The following MYBL2 variants were observed in gnomAD, a reference collection of about 807,000 sequenced individuals.
The protein encoded by MYBL2 is myb-related protein B.
Under a neutral mutation model 79.9 loss-of-function variants are expected in MYBL2, and 28 were observed. That is an observed-to-expected ratio of 0.35 (90% CI 0.26 to 0.48). MYBL2 has a LOEUF of 0.48. Ranked by LOEUF, MYBL2 falls within the 20% of genes least tolerant of loss-of-function variation. The pLI is 0.99. For missense variants in MYBL2, 735 were observed against 893.9 expected (o/e 0.82, Z 2.27); for synonymous variants, 378 against 361.2 (o/e 1.05, Z -0.53).
At chr20:43,673,707 G>C (rs1255367556) in intron 1 of MYBL2, 99 bp from the exon 2 acceptor site, 1 of 1,119,424 alleles carries the variant, frequency 8.9e-7, no homozygotes, top group Non-Finnish European at 1.4e-6. Context: ...CTCTCCCCCA[G>C]ACCTTTCCCT....
chr20:43,673,608 C>G (rs1338779774), intron 1 of MYBL2, 198 bp from the exon 2 acceptor site: 1 of 658,628 alleles, frequency 1.5e-6, no homozygotes, highest in African/African-American at 1.8e-5. Context: ...CACTGAATTC[C>G]AGCCCAGTGA....
At chr20:43,682,169 A>G (rs1339345179) in intron 3 of MYBL2, among the ~76,000 whole-genome samples, 1 of 152,196 alleles carries the variant, frequency 6.6e-6, no homozygotes, top group East Asian at 1.9e-4. Context: ...CGGTTTCTCA[A>G]CAGTGAGACT....
chr20:43,676,700 G>A (rs1217817905), intron 2 of MYBL2, among the ~76,000 whole-genome samples: 1 of 152,196 alleles, frequency 6.6e-6, no homozygotes, highest in Admixed American at 6.5e-5. Flanking sequence ...TGGGGTAGGT[G>A]TATGTTTAGT....
intron 4 of MYBL2, among the ~76,000 whole-genome samples, chr20:43,684,143 G>C (rs1308408977): frequency 6.6e-6 from 1 of 151,988 alleles, no homozygotes; most frequent in Non-Finnish European, 1.5e-5. Context: ...TGCCCAGGCT[G>C]GTTGAACTTC....
intron 4 of MYBL2, among the ~76,000 whole-genome samples, chr20:43,685,369 CG>C (rs1987248688): frequency 6.6e-6 from 1 of 151,004 alleles, no homozygotes. Flanking sequence ...TTAGTAGAGA[CG>C]GGGTTTTGCC....
At chr20:43,702,463 C>T (rs767462220) in intron 7 of MYBL2, 27 bp from the exon 8 acceptor site, 2 of 1,565,778 alleles carry the variant, frequency 1.3e-6, no homozygotes, top group Non-Finnish European at 8.7e-7. Flanking sequence ...ATAGTAATTG[C>T]AATTCCTAAC....
At chr20:43,674,169 CATTG>C (rs1368902583) in intron 2 of MYBL2, among the ~76,000 whole-genome samples, 1 of 141,904 alleles carries the variant, frequency 7.0e-6, no homozygotes, top group Non-Finnish European at 1.5e-5. Flanking sequence ...ATGTCATGGA[CATTG>C]ATTGTGCTTT....
Position 43,692,254 on chromosome 20 carries a change from G to A in MYBL2, c.598G>A (p.Val200Met), listed in dbSNP as rs1412547394. ...CGAGTCCAAAGACTGCAAGCCCCCAGTGTACTTGCTGCTGGAGCTCGAGGA... is the reference window on the plus strand; with the variant it reads ...CGAGTCCAAAGACTGCAAGCCCCCAATGTACTTGCTGCTGGAGCTCGAGGA... ...LSESKDCKPP[V>M]YLLLELEDKD... Residue 200 changes from valine (V) to methionine (M), a missense_variant, in exon 6 of 14, where the codon GTG (valine) becomes ATG (methionine). Val to Met is a conservative substitution (Grantham distance 21, BLOSUM62 1). Around this residue, in one of 5 missense-constraint regions of MYBL2, gnomAD observed 144 missense variants for 131.9 expected, o/e 1.09. Transcript: ENST00000217026. 6.2e-7 allele frequency: 1 copy of A among 1,614,230 alleles called. No individual in the cohort carries two copies. Among genetic ancestry groups the A allele is most frequent in the Non-Finnish European group, 8.5e-7 (1 of 1,180,044 alleles).
chr20:43,713,405 GA>G (rs1987957273), intron 12 of MYBL2, among the ~76,000 whole-genome samples: 1 of 106,680 alleles, frequency 9.4e-6, no homozygotes, highest in Non-Finnish European at 1.9e-5. Flanking sequence ...TTTTTTTTTT[GA>G]ATTGGAATTT....
intron 11 of MYBL2, among the ~76,000 whole-genome samples, chr20:43,711,870 G>A (rs1326485765): frequency 2.0e-5 from 3 of 152,236 alleles, no homozygotes; most frequent in African/African-American, 7.2e-5. Flanking sequence ...TGGGCTGGAT[G>A]TGGTGGATGG....
At chr20:43,713,236 T>G in intron 12 of MYBL2, 130 bp downstream of exon 12, 15 of 383,772 alleles carry the variant, frequency 3.9e-5, no homozygotes, top group East Asian at 7.5e-5. Flanking sequence ...GGAGGGTGGG[T>G]CCGGGCACCC....
At chr20:43,693,720 A>G (rs1043746677) in intron 6 of MYBL2, among the ~76,000 whole-genome samples, 2 of 152,178 alleles carry the variant, frequency 1.3e-5, no homozygotes, top group Non-Finnish European at 2.9e-5. Context: ...GTTTTTATTT[A>G]TATTTTTTAG....
rs1411199511 is a variant in MYBL2 at position 43,682,881 on chromosome 20, C to G, written c.274C>G (p.Gln92Glu). ...GGGGCCATGGACCAAAGAGGAAGAC[C>G]AAAAAGTAACTGCTGGGACAGTGCC... ...VKGPWTKEED[Q>E]KVIELVKKYG... Residue 92 changes from glutamine to glutamate, a missense_variant, in exon 4 of 14, where the codon CAA (glutamine) becomes GAA (glutamate). By Grantham distance (29) the Gln-to-Glu change is conservative. Transcript: ENST00000217026. The G allele has an allele frequency of 1.2e-6, 2 of 1,613,578 alleles. No individual in the cohort carries two copies. The highest frequency in any genetic ancestry group is 4.5e-5 in the East Asian group (2 of 44,860).
intron 5 of MYBL2, among the ~76,000 whole-genome samples, chr20:43,690,368 G>A (rs1054401789): frequency 3.3e-5 from 5 of 152,044 alleles, no homozygotes; most frequent in African/African-American, 1.2e-4. Flanking sequence ...ACCACGCCTG[G>A]CTAATTTTTG....
intron 2 of MYBL2, among the ~76,000 whole-genome samples, chr20:43,675,600 A>G (rs1184906036): frequency 6.6e-6 from 1 of 152,216 alleles, no homozygotes; most frequent in Non-Finnish European, 1.5e-5. Context: ...GGCATGAGCC[A>G]CTACGGTGAG....
chr20:43,688,047 C>T (rs1987321146), intron 5 of MYBL2, among the ~76,000 whole-genome samples: 2 of 150,480 alleles, frequency 1.3e-5, no homozygotes, highest in East Asian at 3.9e-4. Flanking sequence ...CCCCTAAATA[C>T]TGAAAGCATT....
At chr20:43,688,829 A>G (rs1987338934) in intron 5 of MYBL2, among the ~76,000 whole-genome samples, 1 of 151,808 alleles carries the variant, frequency 6.6e-6, no homozygotes, top group Admixed American at 6.6e-5. Flanking sequence ...CGCTCTTATC[A>G]CCCAGGCTGG....
At chr20:43,715,056 G>C in intron 12 of MYBL2, 78 bp from the exon 13 acceptor site, 1 of 1,548,714 alleles carries the variant, frequency 6.5e-7, no homozygotes, top group African/African-American at 1.4e-5. Flanking sequence ...GTGGTGCTGG[G>C]GTGGGATTGC....
intron 9 of MYBL2, among the ~76,000 whole-genome samples, chr20:43,705,942 C>A (rs1248995497): frequency 6.6e-6 from 1 of 152,078 alleles, no homozygotes; most frequent in Non-Finnish European, 1.5e-5. Context: ...CCTCGTGATC[C>A]TCCTGCCTCA....
Sources: gnomAD v4.1 joint callset for allele counts (sites outside exome capture counted in the v4.1 genomes callset) on GRCh38, gnomAD v4.1.1 for gene constraint, gnomAD v4.1.1 regional missense constraint, MANE v1.5 for transcripts, NCBI Gene and HGNC (gene_info 2026-07-23, HGNC 2026-07-21) for gene names.